OCA2: variants seen among roughly 807,000 people sequenced by gnomAD.
The protein encoded by OCA2 is OCA2 melanosomal transmembrane protein.
A neutral mutation model predicts 100.2 loss-of-function variants in OCA2; 77 were observed. The observed-to-expected ratio is 0.77, with a 90% CI of 0.64 to 0.93. The LOEUF (loss-of-function observed/expected upper bound fraction) is 0.93. OCA2 is among the 40% of genes least tolerant of loss of function. The pLI is 0.00. For synonymous variants in OCA2, 432 were observed against 439.2 expected (o/e 0.98, Z 0.21); for missense variants, 1,062 against 1,089.1 (o/e 0.98, Z 0.35).
the OCA2 span, among the ~76,000 whole-genome samples, chr15:27,746,519 A>T: frequency 3.2e-3 from 491 of 152,292 alleles, 4 homozygotes; most frequent in African/African-American, 0.011. Flanking sequence ...CCCTGAAACT[A>T]CTTAACTAGA....
chr15:27,865,153 G>A (rs183784301), intron 21 of OCA2, among the ~76,000 whole-genome samples: 56 of 151,982 alleles, frequency 3.7e-4, no homozygotes, highest in African/African-American at 1.2e-3. Flanking sequence ...TGACGCCATC[G>A]GAGAAGAGAT....
At chr15:27,892,243 T>C (rs970890198) in intron 19 of OCA2, among the ~76,000 whole-genome samples, 1 of 151,838 alleles carries the variant, frequency 6.6e-6, no homozygotes, top group African/African-American at 2.4e-5. Context: ...AACACTTCAC[T>C]CCAAAACAGG....
chr15:27,719,568 T>C, the OCA2 span, among the ~76,000 whole-genome samples: 2 of 152,166 alleles, frequency 1.3e-5, no homozygotes, highest in African/African-American at 4.8e-5. Flanking sequence ...GAATGTACAA[T>C]AATTTGAAAA....
At chr15:27,768,496 T>G (rs1479182795) in intron 23 of OCA2, among the ~76,000 whole-genome samples, 3 of 152,144 alleles carry the variant, frequency 2.0e-5, no homozygotes, top group Non-Finnish European at 4.4e-5. Context: ...GTATAGCGAA[T>G]CAATAGCTTA....
At chr15:28,012,159 A>T (rs1381769919) in intron 9 of OCA2, among the ~76,000 whole-genome samples, 1 of 152,234 alleles carries the variant, frequency 6.6e-6, no homozygotes, top group African/African-American at 2.4e-5. Context: ...GAAGATAGAC[A>T]GGTGGCAAAT....
chr15:27,955,081 G>C (rs893124101), intron 17 of OCA2, 77 bp downstream of exon 17: 2 of 1,020,966 alleles, frequency 2.0e-6, no homozygotes, highest in East Asian at 2.4e-5. Context: ...TCAGTCACGT[G>C]AGGGAAGGAA....
chr15:27,799,752 A>AG (rs34389520), intron 23 of OCA2, among the ~76,000 whole-genome samples: 16 of 33,772 alleles, frequency 4.7e-4, no homozygotes, highest in Admixed American at 1.2e-3. Flanking sequence ...CTAAAAAAAA[A>AG]AAAAAAAACT....
intron 23 of OCA2, among the ~76,000 whole-genome samples, chr15:27,818,894 A>G (rs2034404370): frequency 6.6e-6 from 1 of 152,116 alleles, no homozygotes; most frequent in South Asian, 2.1e-4. Context: ...CTAAGTGCCA[A>G]ATTCCTCTCC....
downstream of OCA2, among the ~76,000 whole-genome samples, chr15:27,750,357 A>G (rs965556363): frequency 4.6e-5 from 7 of 152,228 alleles, no homozygotes; most frequent in African/African-American, 1.7e-4. Flanking sequence ...GATAAAATAC[A>G]AGGCTTGAAC....
chr15:27,994,604 A>G (rs373799691), intron 9 of OCA2, among the ~76,000 whole-genome samples: 4 of 152,328 alleles, frequency 2.6e-5, no homozygotes, highest in African/African-American at 9.6e-5. Flanking sequence ...TTCTTTGGCA[A>G]GAGTCCAGCT....
At chr15:28,030,858 T>C (rs556830914) in intron 3 of OCA2, among the ~76,000 whole-genome samples, 1 of 152,158 alleles carries the variant, frequency 6.6e-6, no homozygotes, top group East Asian at 1.9e-4. Flanking sequence ...ATGAAAAGAG[T>C]CACATAAAAG....
At position 28,022,694 on chromosome 15, in the gene OCA2, G is replaced by A. The variant is rs189901952; in HGVS notation, c.574-121C>T. Reference sequence around the variant, plus strand: ...GGGCTACTGTGTGCATCCAGTACGCGCCAGCTTACTCTGAATAGCTTTGTC... The same window carrying A: ...GGGCTACTGTGTGCATCCAGTACGCACCAGCTTACTCTGAATAGCTTTGTC... On this transcript the variant is annotated intron_variant, in intron 5 of 23. Coordinates refer to ENST00000354638, the MANE Select transcript of OCA2 (RefSeq NM_000275.3). 6.7e-4 allele frequency: 493 copies of A among 737,974 alleles called. 1 individual carries two copies. In the East Asian group the frequency reaches 6.7e-3, roughly 10 times the overall value. The allele number at this position is 737,974 out of a possible 1,614,324, so 45.7% of individuals were successfully genotyped here.
intron 23 of OCA2, chr15:27,776,732 G>A (rs911179215): frequency 4.6e-5 from 7 of 152,382 alleles, no homozygotes; most frequent in African/African-American, 7.2e-5. Flanking sequence ...CCCAGAACAC[G>A]GCTCCAGCTG....
Position 27,957,832 on chromosome 15 carries a change from G to A in OCA2, c.1637-97C>T. ...CACACAGTCGATGCCTGACAGAGCA[G>A]ACACACACTCGAGACGTGCAGGTAG... On this transcript the variant is annotated intron_variant, in intron 15 of 23. Coordinates refer to ENST00000354638, the MANE Select transcript of OCA2 (RefSeq NM_000275.3). This position sits in a 1 kb window ranked among gnomAD's most constrained non-coding sequence, Gnocchi z 4.3. 1 of 1,449,462 alleles carries A rather than the reference G, an allele frequency of 6.9e-7. No homozygotes were observed. 89.8% of individuals were successfully genotyped at this position (1,449,462 alleles called of 1,614,324 possible).
rs2042479500 is a variant in OCA2 at position 28,018,550 on chromosome 15, G to T, written c.654C>A (p.Asn218Lys). ...GCGTGGAGTCCACGTGGCTGCTAAG[G>T]TTCACGGCTCGGAGAGTGTCAAGGA... ...ALSPLENYSV[N>K]LSSHVDSTLL... The change falls in exon 7 of 24, where the codon AAC becomes AAA. Residue 218 changes from asparagine to lysine, a missense_variant. By Grantham distance (94) the Asn-to-Lys change is moderately conservative. Transcript: ENST00000354638. 1 of 1,613,204 alleles carries T rather than the reference G, an allele frequency of 6.2e-7. No individual in the cohort carries two copies.
At chr15:27,770,074 G>C (rs1006902069) in intron 23 of OCA2, among the ~76,000 whole-genome samples, 1 of 152,100 alleles carries the variant, frequency 6.6e-6, no homozygotes, top group Non-Finnish European at 1.5e-5. Context: ...TTTTTGCAGG[G>C]CCTGCAGTGC....
intron 9 of OCA2, among the ~76,000 whole-genome samples, chr15:28,006,796 T>C (rs1485838795): frequency 1.3e-5 from 2 of 152,234 alleles, no homozygotes; most frequent in Non-Finnish European, 2.9e-5. Context: ...AGATTTAAAT[T>C]GCAGCCCTGC....
intron 23 of OCA2, among the ~76,000 whole-genome samples, chr15:27,765,063 T>A (rs2031149328): frequency 6.6e-6 from 1 of 152,220 alleles, no homozygotes; most frequent in Non-Finnish European, 1.5e-5. Context: ...CTGTATAGAC[T>A]AACTTCCTGA....
At chr15:27,967,431 C>T (rs1430116842) in intron 14 of OCA2, among the ~76,000 whole-genome samples, 1 of 152,228 alleles carries the variant, frequency 6.6e-6, no homozygotes, top group Non-Finnish European at 1.5e-5. Flanking sequence ...TCTAACTCAA[C>T]CTTGGCTTGG....
Sources: allele counts gnomAD v4.1 joint callset (sites outside exome capture counted in the v4.1 genomes callset), GRCh38; gene constraint gnomAD v4.1.1; non-coding constraint Gnocchi (gnomAD v3.1); transcripts MANE v1.5; gene names NCBI Gene and HGNC (gene_info 2026-07-23, HGNC 2026-07-21).